PRKG2: variants seen among roughly 807,000 people sequenced by gnomAD.
PRKG2 encodes the protein protein kinase cGMP-dependent 2.
A neutral mutation model predicts 97.2 loss-of-function variants in PRKG2; 33 were observed. The observed-to-expected ratio is 0.34, with a 90% CI of 0.26 to 0.45. PRKG2 has a LOEUF of 0.45. Ranked by LOEUF, PRKG2 falls within the 20% of genes least tolerant of loss-of-function variation. The pLI, the probability that PRKG2 is intolerant of heterozygous loss-of-function variation, is 1.00. For missense variants in PRKG2, 638 were observed against 900.0 expected, an observed-to-expected ratio of 0.71 and a Z score of 3.73; for synonymous variants, 330 against 321.8, an observed-to-expected ratio of 1.03 and a Z score of -0.27.
intron 12 of PRKG2, among the ~76,000 whole-genome samples, chr4:81,137,902 T>A (rs1234722586): frequency 1.3e-5 from 2 of 152,190 alleles, no homozygotes; most frequent in African/African-American, 4.8e-5. Flanking sequence ...TGTCAATGTC[T>A]TATATCCCCT....
intron 3 of PRKG2, among the ~76,000 whole-genome samples, chr4:81,172,627 C>A (rs1750586957): frequency 6.6e-6 from 1 of 152,072 alleles, no homozygotes; most frequent in African/African-American, 2.4e-5. Flanking sequence ...TCTTCTTTTG[C>A]TTTGAACAAA....
chr4:81,154,050 CT>C, intron 6 of PRKG2: 1 of 166,614 alleles, frequency 6.0e-6, no homozygotes, highest in South Asian at 1.1e-4. Flanking sequence ...GAATATCGCG[CT>C]TTTGGGACGG....
intron 8 of PRKG2, among the ~76,000 whole-genome samples, chr4:81,151,164 T>A (rs1748362072): frequency 6.6e-6 from 1 of 152,110 alleles, no homozygotes; most frequent in Admixed American, 6.6e-5. Context: ...ACTATTCCTT[T>A]TCCAAAAGCA....
intron 2 of PRKG2, among the ~76,000 whole-genome samples, chr4:81,183,798 C>T (rs1413976153): frequency 3.3e-5 from 5 of 152,076 alleles, no homozygotes; most frequent in Non-Finnish European, 7.4e-5. Context: ...AACACTCGAG[C>T]TTAGTGGGGG....
intron 13 of PRKG2, 130 bp downstream of exon 13, chr4:81,137,263 A>G (rs984527504): frequency 2.9e-6 from 2 of 699,324 alleles, no homozygotes; most frequent in Admixed American, 2.5e-5. Flanking sequence ...AGACAATATC[A>G]CTATTACTAC....
chr4:81,112,906 A>G (rs1221127388), intron 14 of PRKG2, among the ~76,000 whole-genome samples: 1 of 152,230 alleles, frequency 6.6e-6, no homozygotes, highest in African/African-American at 2.4e-5. Context: ...ACAGAAAGTT[A>G]ATAAATAACT....
chr4:81,128,751 T>C (rs553149277), intron 14 of PRKG2, among the ~76,000 whole-genome samples: 4 of 152,024 alleles, frequency 2.6e-5, no homozygotes, highest in South Asian at 2.1e-4. Flanking sequence ...AGTGGTCTAT[T>C]TTGTAAATCT....
At chr4:81,142,184 G>C (rs1431782467) in intron 11 of PRKG2, among the ~76,000 whole-genome samples, 1 of 152,178 alleles carries the variant, frequency 6.6e-6, no homozygotes, top group Non-Finnish European at 1.5e-5. Flanking sequence ...AGGGTGATGT[G>C]GAAGGCACAA....
At chr4:81,100,049 C>T (rs1431978685) in intron 17 of PRKG2, among the ~76,000 whole-genome samples, 1 of 151,698 alleles carries the variant, frequency 6.6e-6, no homozygotes, top group Non-Finnish European at 1.5e-5. Context: ...AACCACTGCT[C>T]GATGAAATAA....
chr4:81,133,641 TTTAA>T (rs1260722948), intron 14 of PRKG2, among the ~76,000 whole-genome samples: 2 of 152,166 alleles, frequency 1.3e-5, no homozygotes, highest in Non-Finnish European at 2.9e-5. Context: ...AGGTACATAG[TTTAA>T]TTCATAGCTA....
intron 6 of PRKG2, 58 bp from the exon 7 acceptor site, chr4:81,153,779 A>T (rs757831630): frequency 4.0e-6 from 5 of 1,240,822 alleles, no homozygotes; most frequent in Non-Finnish European, 5.9e-6. Context: ...ATGGCCTAAT[A>T]GGAACAGCTC....
intron 3 of PRKG2, among the ~76,000 whole-genome samples, chr4:81,172,765 T>C (rs1417573400): frequency 2.0e-5 from 3 of 152,178 alleles, no homozygotes; most frequent in Admixed American, 6.5e-5. Flanking sequence ...AATTCACTGC[T>C]AAGTAGCTCT....
chr4:81,120,793 T>A (rs760587025), intron 14 of PRKG2, among the ~76,000 whole-genome samples: 6 of 152,224 alleles, frequency 3.9e-5, no homozygotes, highest in Admixed American at 3.3e-4. Flanking sequence ...CTGTATTTCC[T>A]TGTCTTGCTG....
intron 9 of PRKG2, among the ~76,000 whole-genome samples, chr4:81,147,518 C>A (rs1044279841): frequency 6.6e-6 from 1 of 152,086 alleles, no homozygotes; most frequent in East Asian, 1.9e-4. Flanking sequence ...TTCCTCTTTG[C>A]CTAGAAAAGT....
chr4:81,185,310 G>A (rs1751776834), intron 2 of PRKG2, among the ~76,000 whole-genome samples: 1 of 152,126 alleles, frequency 6.6e-6, no homozygotes, highest in Non-Finnish European at 1.5e-5. Flanking sequence ...AGTAGAGAGT[G>A]GGGGCCAATA....
intron 7 of PRKG2, 101 bp downstream of exon 7, chr4:81,153,543 C>A: frequency 1.1e-6 from 1 of 901,420 alleles, no homozygotes; most frequent in South Asian, 1.6e-5. Context: ...TTTATCTGTC[C>A]AAAGTGGAGG....
At chr4:81,110,862 C>A (rs932614371) in intron 14 of PRKG2, among the ~76,000 whole-genome samples, 1 of 150,754 alleles carries the variant, frequency 6.6e-6, no homozygotes, top group Non-Finnish European at 1.5e-5. Context: ...GCGGAAAGTT[C>A]CATGCACATA....
At chr4:81,154,336 G>C (rs952181140) in intron 6 of PRKG2, 1 of 152,428 alleles carries the variant, frequency 6.6e-6, no homozygotes, top group Admixed American at 6.5e-5. Flanking sequence ...CAAACAAAAA[G>C]ACAGCAGTAA....
chr4:81,183,022 A>C (rs1241622013), intron 2 of PRKG2, among the ~76,000 whole-genome samples: 1 of 152,138 alleles, frequency 6.6e-6, no homozygotes. Context: ...AAAATTGAGA[A>C]GCTGATATTA....
Sources: allele counts gnomAD v4.1 joint callset (sites outside exome capture counted in the v4.1 genomes callset), GRCh38; gene constraint gnomAD v4.1.1; transcripts MANE v1.5; gene names NCBI Gene and HGNC (gene_info 2026-07-23, HGNC 2026-07-21).